The following ALLC variants were observed in gnomAD, a reference collection of about 807,000 sequenced individuals.
The protein encoded by ALLC is allantoicase.
In ALLC, 40 loss-of-function variants were observed where a neutral mutation model predicts 45.0. That is an observed-to-expected ratio of 0.89 (90% CI 0.69 to 1.16). The LOEUF (loss-of-function observed/expected upper bound fraction) is 1.16. Among genes scored for constraint, ALLC ranks in the 50% most tolerant of loss-of-function variants. ALLC has a pLI of 0.00. For synonymous variants in ALLC, 176 were observed against 178.1 expected (o/e 0.99, Z 0.09); for missense variants, 488 against 493.1 (o/e 0.99, Z 0.10).
intron 3 of ALLC, among the ~76,000 whole-genome samples, chr2:3,676,579 A>C (rs1667030710): frequency 6.6e-6 from 1 of 152,130 alleles, no homozygotes; most frequent in South Asian, 2.1e-4. Flanking sequence ...GTGTTTGTGA[A>C]TGCCATTGGT....
At position 3,679,982 on chromosome 2, in the gene ALLC, A is replaced by T; in HGVS notation, c.286A>T (p.Asn96Tyr). Residue 96 changes from asparagine to tyrosine, a missense_variant, in exon 5 of 12, where the codon AAC becomes TAC. Asn to Tyr is a moderately radical substitution (Grantham distance 143, BLOSUM62 -2). Coordinates refer to ENST00000252505, the MANE Select transcript of ALLC (RefSeq NM_018436.4). ...YAPRVSIQAA[N>Y]LEEDKLPEIP... ...TCCTCGAGTGTCCATTCAAGCAGCA[A>T]ACTTGGAAGAAGGTGCGTTAGGAAC... 5 of 1,613,922 alleles carry T rather than the reference A, an allele frequency of 3.1e-6. No individual in the cohort carries two copies. The highest frequency in any genetic ancestry group is 4.2e-6 in the Non-Finnish European group (5 of 1,179,860).
At chr2:3,698,898 CTT>C (rs1667752059) in intron 10 of ALLC, among the ~76,000 whole-genome samples, 1 of 152,152 alleles carries the variant, frequency 6.6e-6, no homozygotes. Context: ...ATTATTGTGA[CTT>C]TACTCAATTA....
At chr2:3,648,372 C>T in the ALLC span, among the ~76,000 whole-genome samples, 4 of 152,016 alleles carry the variant, frequency 2.6e-5, no homozygotes, top group Admixed American at 2.6e-4. Flanking sequence ...GGAGCCAAGA[C>T]GCTCCTGACA....
At chr2:3,673,343 C>T (rs1666943200) in intron 2 of ALLC, among the ~76,000 whole-genome samples, 1 of 152,222 alleles carries the variant, frequency 6.6e-6, no homozygotes, top group South Asian at 2.1e-4. Flanking sequence ...CCTGATATGT[C>T]CACCTACCTG....
At chr2:3,693,900 A>G (rs1162018555) in intron 7 of ALLC, among the ~76,000 whole-genome samples, 1 of 152,210 alleles carries the variant, frequency 6.6e-6, no homozygotes, top group Non-Finnish European at 1.5e-5. Flanking sequence ...AGGCAGCAGA[A>G]TCGCCTGAAC....
the ALLC span, among the ~76,000 whole-genome samples, chr2:3,651,646 G>A: frequency 6.6e-6 from 1 of 151,862 alleles, no homozygotes; most frequent in African/African-American, 2.4e-5. Context: ...AGAAAGAAAG[G>A]TCACTTTGGC....
chr2:3,681,160 G>T (rs1324990126), intron 5 of ALLC, among the ~76,000 whole-genome samples: 1 of 152,274 alleles, frequency 6.6e-6, no homozygotes, highest in South Asian at 2.1e-4. Flanking sequence ...AGGAAATGAT[G>T]CTACAAGAGA....
intron 8 of ALLC, 116 bp downstream of exon 8, chr2:3,695,988 A>G: frequency 9.1e-7 from 1 of 1,097,902 alleles, no homozygotes; most frequent in Non-Finnish European, 1.3e-6. Context: ...ACAGCAGTGG[A>G]TGAGATTAAT....
At position 3,663,139 on chromosome 2, in the gene ALLC, G is replaced by A. The variant is rs1666615907; in HGVS notation, c.-63+4845G>A. On this transcript the variant is annotated intron_variant, in intron 1 of 11. Coordinates refer to ENST00000252505, the MANE Select transcript of ALLC (RefSeq NM_018436.4). ...CACATGCATGCACCTGTTCACTGCAGTACTATCCATGATAGCAAAGACATA... is the reference window on the plus strand; with the variant it reads ...CACATGCATGCACCTGTTCACTGCAATACTATCCATGATAGCAAAGACATA... Among the ~76,000 whole-genome samples the A allele has an allele frequency of 2.6e-5, 4 of 152,196 alleles. No individual in the cohort carries two copies. In the South Asian group the frequency reaches 8.3e-4, roughly 32 times the overall value.
intron 10 of ALLC, among the ~76,000 whole-genome samples, chr2:3,700,005 A>G (rs980541658): frequency 8.5e-5 from 13 of 152,060 alleles, no homozygotes; most frequent in African/African-American, 3.1e-4. Flanking sequence ...GTTTAATTAG[A>G]TCCCATTTGT....
rs539891220 is a variant in ALLC at position 3,702,634 on chromosome 2, G to C, written c.*71G>C. 152 of 1,415,652 alleles carry C rather than the reference G, an allele frequency of 1.1e-4. 3 individuals carry two copies. In the South Asian group the frequency reaches 2.2e-3, roughly 20 times the overall value. 87.7% of individuals were successfully genotyped at this position (1,415,652 alleles called of 1,614,324 possible). A position where few individuals can be genotyped will look rare whatever the true frequency, so the allele number is the denominator to read the frequency against. ...TCATAGTCTTCTTTTCAAATGTTTT[G>C]AACACCTGGTGATTTAATAAAGTGG... On this transcript the variant is annotated 3_prime_UTR_variant, in exon 12 of 12. Transcript: ENST00000252505.
At chr2:3,692,955 A>G (rs114945924) in intron 7 of ALLC, among the ~76,000 whole-genome samples, 1,810 of 152,234 alleles carry the variant, frequency 0.012, 37 homozygotes, top group African/African-American at 0.041. Flanking sequence ...TAACAGGCAT[A>G]TAGGGGCAGG....
intron 7 of ALLC, among the ~76,000 whole-genome samples, chr2:3,686,923 CA>C (rs1400192151): frequency 6.6e-6 from 1 of 150,718 alleles, no homozygotes; most frequent in African/African-American, 2.4e-5. Flanking sequence ...ATTTGGATGC[CA>C]TTTATTTCTC....
At chr2:3,671,645 C>T (rs1666873636) in intron 2 of ALLC, among the ~76,000 whole-genome samples, 1 of 145,352 alleles carries the variant, frequency 6.9e-6, no homozygotes, top group South Asian at 2.1e-4. Flanking sequence ...TCCCCTGGCT[C>T]TATTTAGATC....
chr2:3,664,471 T>C (rs1019891593), intron 1 of ALLC, among the ~76,000 whole-genome samples: 3 of 152,188 alleles, frequency 2.0e-5, no homozygotes, highest in Non-Finnish European at 2.9e-5. Flanking sequence ...CAACTCCTGT[T>C]CTCTAGAGAA....
At chr2:3,649,495 C>A in the ALLC span, among the ~76,000 whole-genome samples, 1 of 152,246 alleles carries the variant, frequency 6.6e-6, no homozygotes, top group Non-Finnish European at 1.5e-5. Context: ...CCCGCCTCGG[C>A]CTCCCAAAGT....
chr2:3,663,887 C>T (rs1472851480), intron 1 of ALLC, among the ~76,000 whole-genome samples: 4 of 152,204 alleles, frequency 2.6e-5, no homozygotes, highest in Admixed American at 6.5e-5. Context: ...CTGTTCTGTT[C>T]AGTATAGTAG....
chr2:3,667,668 A>G (rs1418697819), intron 1 of ALLC, among the ~76,000 whole-genome samples: 1 of 152,248 alleles, frequency 6.6e-6, no homozygotes, highest in East Asian at 1.9e-4. Context: ...GTGAACTCAC[A>G]GTAAATGTTA....
chr2:3,670,950 G>GT, intron 1 of ALLC, 146 bp from the exon 2 acceptor site: 2 of 584,892 alleles, frequency 3.4e-6, no homozygotes, highest in Non-Finnish European at 6.1e-6. Flanking sequence ...TGAGCAGAGG[G>GT]CACCTGTCAG....
Sources: allele counts gnomAD v4.1 joint callset (sites outside exome capture counted in the v4.1 genomes callset), GRCh38; gene constraint gnomAD v4.1.1; transcripts MANE v1.5; gene names NCBI Gene and HGNC (gene_info 2026-07-23, HGNC 2026-07-21).